The following RAB3GAP1 variants were observed in gnomAD, a reference collection of about 807,000 sequenced individuals.
RAB3GAP1 encodes the protein rab3 GTPase-activating protein catalytic subunit.
Under a neutral mutation model 130.7 loss-of-function variants are expected in RAB3GAP1, and 86 were observed. The observed-to-expected ratio is 0.66, with a 90% CI of 0.55 to 0.79. The LOEUF (loss-of-function observed/expected upper bound fraction) is 0.79, where lower values mean the gene tolerates loss of function less well. Ranked by LOEUF, RAB3GAP1 falls within the 30% of genes least tolerant of loss-of-function variation. The probability of loss-of-function intolerance (pLI) is 0.00; values close to 1 mark genes in which losing one functional copy is unlikely to be tolerated. For missense variants in RAB3GAP1, 1,029 were observed against 1,169.4 expected, an observed-to-expected ratio of 0.88 and a Z score of 1.75; for synonymous variants, 367 against 401.7, an observed-to-expected ratio of 0.91 and a Z score of 1.03.
chr2:135,112,484 C>T (rs891891499), intron 5 of RAB3GAP1, among the ~76,000 whole-genome samples: 7 of 152,124 alleles, frequency 4.6e-5, no homozygotes, highest in African/African-American at 7.2e-5. Flanking sequence ...TGCTAAAGCA[C>T]GGAGAGGTTA....
At chr2:135,082,428 A>G (rs1311803893) in intron 3 of RAB3GAP1, among the ~76,000 whole-genome samples, 3 of 151,582 alleles carry the variant, frequency 2.0e-5, no homozygotes, top group African/African-American at 7.3e-5. Flanking sequence ...AAATGGAATC[A>G]TATAATACAC....
At chr2:135,117,752 TTCTG>T in intron 7 of RAB3GAP1, among the ~76,000 whole-genome samples, 4 of 147,966 alleles carry the variant, frequency 2.7e-5, no homozygotes, top group African/African-American at 9.8e-5. Context: ...CTTCTTCTGC[TTCTG>T]CTTCTTCTGC....
chr2:135,126,805 T>C, intron 11 of RAB3GAP1, 149 bp downstream of exon 11: 1 of 715,954 alleles, frequency 1.4e-6, no homozygotes, highest in Non-Finnish European at 2.6e-6. Context: ...GAATCCTTTT[T>C]TGAATAGTGC....
chr2:135,152,942 A>C (rs764057479), intron 18 of RAB3GAP1: 1 of 152,274 alleles, frequency 6.6e-6, no homozygotes, highest in Non-Finnish European at 1.5e-5. Context: ...ATCATCATTA[A>C]TTCTATAGAA....
chr2:135,160,651 GC>G (rs1692439807), intron 19 of RAB3GAP1, among the ~76,000 whole-genome samples: 1 of 132,610 alleles, frequency 7.5e-6, no homozygotes, highest in Non-Finnish European at 1.5e-5. Context: ...TCCAGTCTGG[GC>G]CAACAGAGAA....
At chr2:135,168,040 C>T (rs1052891595) in intron 23 of RAB3GAP1, among the ~76,000 whole-genome samples, 2 of 152,176 alleles carry the variant, frequency 1.3e-5, no homozygotes, top group Admixed American at 1.3e-4. Flanking sequence ...TCTATCACTT[C>T]GGCATCACAT....
At chr2:135,149,431 G>A (rs555794535) in intron 17 of RAB3GAP1, among the ~76,000 whole-genome samples, 2 of 152,282 alleles carry the variant, frequency 1.3e-5, no homozygotes, top group South Asian at 4.1e-4. Context: ...TGAGGGTTGA[G>A]TGATTGCCCA....
At chr2:135,125,797 C>T (rs910924906) in intron 9 of RAB3GAP1, among the ~76,000 whole-genome samples, 6 of 152,150 alleles carry the variant, frequency 3.9e-5, no homozygotes, top group African/African-American at 9.7e-5. Context: ...GAATTTTTCA[C>T]TTAATATTTT....
At chr2:135,148,146 CT>C (rs1457917125) in intron 17 of RAB3GAP1, among the ~76,000 whole-genome samples, 1 of 151,882 alleles carries the variant, frequency 6.6e-6, no homozygotes, top group East Asian at 1.9e-4. Flanking sequence ...GTCCATTTTA[CT>C]TTCTTATTTT....
At chr2:135,112,439 T>A (rs1456089808) in intron 5 of RAB3GAP1, among the ~76,000 whole-genome samples, 1 of 152,202 alleles carries the variant, frequency 6.6e-6, no homozygotes, top group Non-Finnish European at 1.5e-5. Context: ...AACCCAGGCC[T>A]GCACTGGATG....
Position 135,163,093 on chromosome 2 carries a change from T to A in RAB3GAP1, c.2598T>A (p.Asp866Glu), listed in dbSNP as rs1261645932. 5 of 1,610,748 alleles carry A rather than the reference T, an allele frequency of 3.1e-6. No homozygotes were observed. The highest frequency in any genetic ancestry group is 4.2e-6 in the Non-Finnish European group (5 of 1,176,932). Residue 866 changes from aspartate (D) to glutamate (E), a missense_variant, in exon 22 of 24, where the codon GAT (aspartate) becomes GAA (glutamate). Around this residue, in one of 3 missense-constraint regions of RAB3GAP1, gnomAD observed 146 missense variants for 143.7 expected, o/e 1.02. Coordinates refer to ENST00000264158, the MANE Select transcript of RAB3GAP1 (RefSeq NM_012233.3). ...GTGAACAGGAGGAGGAAAAGGAAGA[T>A]CTTGAAAGGTAATTGCTATTTGGCT... ...EKCEQEEEKE[D>E]LERFVSCLLE...
chr2:135,152,983 G>T (rs948115441), intron 18 of RAB3GAP1: 2 of 152,766 alleles, frequency 1.3e-5, no homozygotes, highest in African/African-American at 4.8e-5. Context: ...TAATCAGTTT[G>T]GTTCCAGAAG....
chr2:135,061,369 A>G (rs1401590097), intron 3 of RAB3GAP1, among the ~76,000 whole-genome samples: 2 of 152,186 alleles, frequency 1.3e-5, no homozygotes, highest in Non-Finnish European at 2.9e-5. Flanking sequence ...AGCTTTTTGT[A>G]CTGTTTTACC....
At chr2:135,096,810 T>C (rs2104884622) in intron 5 of RAB3GAP1, among the ~76,000 whole-genome samples, 1 of 152,300 alleles carries the variant, frequency 6.6e-6, no homozygotes. Flanking sequence ...AGAGTAGTTA[T>C]GAGGATCAAA....
chr2:135,175,966 C>T (rs1257704844), intron 24 of RAB3GAP1, among the ~76,000 whole-genome samples: 1 of 152,116 alleles, frequency 6.6e-6, no homozygotes, highest in Non-Finnish European at 1.5e-5. Flanking sequence ...ATTTTGGTAA[C>T]ATACCATTGT....
intron 3 of RAB3GAP1, among the ~76,000 whole-genome samples, chr2:135,065,684 CAT>C (rs1689297554): frequency 6.6e-6 from 1 of 151,580 alleles, no homozygotes; most frequent in African/African-American, 2.4e-5. Flanking sequence ...AGGCATATCT[CAT>C]ATGTATGCGT....
At chr2:135,162,422 G>A (rs2104997149) in intron 19 of RAB3GAP1, 133 bp from the exon 20 acceptor site, 1 of 720,530 alleles carries the variant, frequency 1.4e-6, no homozygotes, top group Non-Finnish European at 2.5e-6. Flanking sequence ...CACCTTTGGG[G>A]TCGTGGCTGC....
intron 11 of RAB3GAP1, among the ~76,000 whole-genome samples, chr2:135,129,509 A>G (rs556921676): frequency 1.7e-4 from 26 of 152,060 alleles, no homozygotes; most frequent in Admixed American, 5.2e-4. Flanking sequence ...AAAGAATACC[A>G]TTAATATGTA....
intron 23 of RAB3GAP1, among the ~76,000 whole-genome samples, chr2:135,168,152 T>C (rs1234269069): frequency 1.3e-5 from 2 of 152,122 alleles, no homozygotes; most frequent in Admixed American, 1.3e-4. Flanking sequence ...AAGATGAAAA[T>C]CATCTTTTCA....
Sources: gnomAD v4.1 joint callset for allele counts (sites outside exome capture counted in the v4.1 genomes callset) on GRCh38, gnomAD v4.1.1 for gene constraint, gnomAD v4.1.1 regional missense constraint, MANE v1.5 for transcripts, NCBI Gene and HGNC (gene_info 2026-07-23, HGNC 2026-07-21) for gene names.